Variants in TCHH observed in about 807,000 individuals in gnomAD.
The protein encoded by TCHH is trichohyalin.
TCHH carries 6 observed loss-of-function variants against 6.3 expected under a neutral mutation model. The observed-to-expected ratio is 0.95, with a 90% CI of 0.52 to 1.88. The LOEUF (loss-of-function observed/expected upper bound fraction) is 1.88, where lower values mean the gene tolerates loss of function less well. Ranked by LOEUF, TCHH falls within the 40% of genes most tolerant of loss-of-function variation. TCHH has a pLI of 0.01. For synonymous variants in TCHH, 1,087 were observed against 963.6 expected (o/e 1.13, Z -2.37); for missense variants, 2,920 against 2,449.1 (o/e 1.19, Z -4.06).
Position 152,107,580 on chromosome 1 carries a change from T to G in TCHH, c.5637A>C (p.Lys1879Asn). The G allele has an allele frequency of 6.2e-7, 1 of 1,614,126 alleles. No individual in the cohort carries two copies. Among genetic ancestry groups the G allele is most frequent in the Non-Finnish European group, 8.5e-7 (1 of 1,180,006 alleles). ...GGCGGCGGATGTGTTCTTCCCGTAA[T>G]TTCCTTTCCCGTTCCTGGCGACGTT... ...EQKRRQERER[K>N]LREEHIRRQQ... The change falls in exon 3 of 3, where the codon AAA becomes AAC. Residue 1879 changes from lysine (K) to asparagine (N), a missense_variant. Lys to Asn is a moderately conservative substitution (Grantham distance 94, BLOSUM62 0). Transcript: ENST00000614923.
At position 152,111,206 on chromosome 1, in the gene TCHH, G is replaced by T; in HGVS notation, c.2011C>A (p.Arg671=). Residue 671 remains arginine (R), a synonymous_variant, in exon 3 of 3, where the codon CGG becomes AGG. Transcript: ENST00000614923. ...TCTTCCTCATGCTCGCGCTTCAGCCGCTGCTCGAGCCTCTCTTCCTCCTCC... is the reference window on the plus strand; with the variant it reads ...TCTTCCTCATGCTCGCGCTTCAGCCTCTGCTCGAGCCTCTCTTCCTCCTCC... ...REEEEERLEQ[R]LKREHEEERR... 1 of 1,611,776 alleles carries T rather than the reference G, an allele frequency of 6.2e-7. No homozygotes were observed. The highest frequency in any genetic ancestry group is 2.2e-5 in the East Asian group (1 of 44,740).
At position 152,111,443 on chromosome 1, in the gene TCHH, G is replaced by A. The variant is rs376120438; in HGVS notation, c.1774C>T (p.Arg592Cys). Residue 592 changes from arginine (R) to cysteine (C), a missense_variant, in exon 3 of 3, where the codon CGC (arginine) becomes TGC (cysteine). Physicochemically the swap from Arg to Cys is radical, Grantham distance 180. Transcript: ENST00000614923. ...EEERRQQRLK[R>C]EQEERLEQRL... Reference sequence around the variant, plus strand: ...TGCTCGAGCCTCTCTTCCTGCTCGCGCTTCAGCCGCTGCTGGCGCCTCTCC... The same window carrying A: ...TGCTCGAGCCTCTCTTCCTGCTCGCACTTCAGCCGCTGCTGGCGCCTCTCC... The A allele has an allele frequency of 1.9e-6, 3 of 1,606,108 alleles. No individual in the cohort carries two copies. The Admixed American group carries it at 5.1e-5, about 27-fold the overall frequency.
In TCHH at chr1:152,108,465, C is replaced by G. The variant is rs1327735049; in HGVS notation, c.4752G>C (p.Glu1584Asp). Reference protein sequence around the residue: ...RQERDRKFRLEEQKVRRQEQE... With the variant: ...RQERDRKFRLDEQKVRRQEQE... ...GTTCCTGGCGGCGCACTTTCTGTTC[C>G]TCTAAACGGAATTTTCTGTCACGCT... Residue 1584 changes from glutamate (E) to aspartate (D), a missense_variant, in exon 3 of 3, where the codon GAG becomes GAC. Transcript: ENST00000614923. 4 of 1,612,950 alleles carry G rather than the reference C, an allele frequency of 2.5e-6. No individual in the cohort carries two copies. Among genetic ancestry groups the G allele is most frequent in the Non-Finnish European group, 3.4e-6 (4 of 1,179,824 alleles).
rs367907416 is a variant in TCHH, at chr1:152,111,935, C to G, written c.1282G>C (p.Glu428Gln). 10 of 1,570,060 alleles carry G rather than the reference C, an allele frequency of 6.4e-6. No homozygotes were observed. In the Admixed American group the frequency reaches 7.2e-5, roughly 11 times the overall value. The change falls in exon 3 of 3, where the codon GAG becomes CAG. Residue 428 changes from glutamate to glutamine, a missense_variant. Coordinates refer to ENST00000614923, the MANE Select transcript of TCHH (RefSeq NM_007113.4). ...QLRREQQLRR[E>Q]QEEERHEQKH... ...TGCTCGTGCCTCTCCTCCTCCTGCT[C>G]GCGCCTCAGCTGCTGCTCGCGCCTC...
rs1341395875 is a variant in TCHH at position 152,106,418 on chromosome 1, G to C, written c.*967C>G. ...AGGCCTCAAATGATTGTGGGCAAATGGGTCTTGTCAAAGGGCCTCTAGAAA... is the reference window on the plus strand; with the variant it reads ...AGGCCTCAAATGATTGTGGGCAAATCGGTCTTGTCAAAGGGCCTCTAGAAA... On this transcript the variant is annotated 3_prime_UTR_variant, in exon 3 of 3. Coordinates refer to ENST00000614923, the MANE Select transcript of TCHH (RefSeq NM_007113.4). 6.6e-6 allele frequency: 1 copy of C among 152,150 alleles called. No individual in the cohort carries two copies. Among genetic ancestry groups the C allele is most frequent in the Non-Finnish European group, 1.5e-5 (1 of 68,030 alleles). 9.4% of individuals were successfully genotyped at this position (152,150 alleles called of 1,614,324 possible). A position where few individuals can be genotyped will look rare whatever the true frequency, so the allele number is the denominator to read the frequency against.
At position 152,112,660 on chromosome 1, in the gene TCHH, C is replaced by T. The variant is rs371684825; in HGVS notation, c.557G>A (p.Arg186His). ...QRQEWQEREE[R>H]RAEEEQLQSC... ...CTGCAGCTGCTCTTCCTCTGCACGG[C>T]GCTCTTCCCGTTCTTGCCATTCTTG... The change falls in exon 3 of 3, where the codon CGC (arginine) becomes CAC (histidine). Residue 186 changes from arginine to histidine, a missense_variant. Arg to His is a conservative substitution (Grantham distance 29). Coordinates refer to ENST00000614923, the MANE Select transcript of TCHH (RefSeq NM_007113.4). The T allele has an allele frequency of 2.5e-5, 40 of 1,613,888 alleles. No homozygotes were observed. Among genetic ancestry groups the T allele is most frequent in the Non-Finnish European group, 3.2e-5 (38 of 1,180,040 alleles).
chr1:152,108,702 T>C lies in TCHH; in HGVS notation c.4515A>G (p.Glu1505=), dbSNP rs753048912. 1 of 1,607,366 alleles carries C rather than the reference T, an allele frequency of 6.2e-7. No homozygotes were observed. Among genetic ancestry groups the C allele is most frequent in the East Asian group, 2.3e-5 (1 of 44,206 alleles). ...RRQERDRKFR[E]QELRSQEPER... is the part of the protein sequence containing the mutation. ...CTGGTTCCTGACTGCGCAGTTCCTG[T>C]TCGCGGAATTTTCTGTCACGCTCTT... is the stretch of plus-strand genomic sequence containing the variant. Residue 1505 remains glutamate (E), a synonymous_variant, in exon 3 of 3, where the codon GAA becomes GAG. Transcript: ENST00000614923.
chr1:152,109,900 C>G lies in TCHH; in HGVS notation c.3317G>C (p.Arg1106Pro), dbSNP rs200755879. The G allele has an allele frequency of 2.6e-5, 41 of 1,558,334 alleles. No homozygotes were observed. The highest frequency in any genetic ancestry group is 3.4e-5 in the Non-Finnish European group (39 of 1,155,224). The change falls in exon 3 of 3, where the codon CGG becomes CCG. Residue 1106 changes from arginine to proline, a missense_variant. Transcript: ENST00000614923. ...EEPEKRRRQERERQCREEEEL... is the reference protein window; with the variant it reads ...EEPEKRRRQEPERQCREEEEL... ...CTCTTCCTCCCGACATTGCCTCTCC[C>G]GCTCCTGGCGCCTTCTCTTCTCCGG...
chr1:152,109,402 C>G lies in TCHH; in HGVS notation c.3815G>C (p.Gly1272Ala). 2 of 1,614,214 alleles carry G rather than the reference C, an allele frequency of 1.2e-6. No individual in the cohort carries two copies. The change falls in exon 3 of 3, where the codon GGT (glycine) becomes GCT (alanine). Residue 1272 changes from glycine (G) to alanine (A), a missense_variant. Physicochemically the swap from Gly to Ala is moderately conservative, Grantham distance 60. Transcript: ENST00000614923. The part of the protein sequence containing the change: ...QSQQDLQHLL[G>A]EQQERDREQE... The stretch of plus-strand genomic sequence containing the variant: ...CTCACGATCTCGCTCTTGCTGTTCA[C>G]CCAGCAGGTGCTGCAGATCTTGCTG...
rs1658245929 is a variant in TCHH at position 152,109,588 on chromosome 1, C to G, written c.3629G>C (p.Arg1210Thr). Residue 1210 changes from arginine (R) to threonine (T), a missense_variant, in exon 3 of 3, where the codon AGG (arginine) becomes ACG (threonine). Transcript: ENST00000614923. The stretch of plus-strand genomic sequence containing the variant: ...ATCCTCATCCCGGTATCGCTGCTTC[C>G]TTTTCTGGCGCTGAAGCTCTTCCTC... The part of the protein sequence containing the change: ...REEEELQRQK[R>T]KQRYRDEDQR... 1 of 1,614,230 alleles carries G rather than the reference C, an allele frequency of 6.2e-7. No individual in the cohort carries two copies. Among genetic ancestry groups the G allele is most frequent in the African/African-American group, 1.3e-5 (1 of 75,060 alleles).
chr1:152,112,905 G>A lies in TCHH; in HGVS notation c.312C>T (p.Asp104=). Residue 104 remains aspartate (D), a synonymous_variant, in exon 3 of 3, where the codon GAC becomes GAT. Transcript: ENST00000614923. ...GATCTTGTAACAGGCTCTCCTTTCCGTCACACCGGGCTCGCTTCTCCTCAT... is the reference window on the plus strand; with the variant it reads ...GATCTTGTAACAGGCTCTCCTTTCCATCACACCGGGCTCGCTTCTCCTCAT... ...GLDEEKRARC[D]GKESLLQDRR... is the part of the protein sequence containing the mutation. The A allele has an allele frequency of 6.2e-7, 1 of 1,613,692 alleles. No individual in the cohort carries two copies. The highest frequency in any genetic ancestry group is 8.5e-7 in the Non-Finnish European group (1 of 1,179,992).
At position 152,109,988 on chromosome 1, in the gene TCHH, C is replaced by T. The variant is rs756197850; in HGVS notation, c.3229G>A (p.Glu1077Lys). The T allele has an allele frequency of 2.0e-6, 3 of 1,538,260 alleles. No individual in the cohort carries two copies. Among genetic ancestry groups the T allele is most frequent in the Non-Finnish European group, 2.6e-6 (3 of 1,140,084 alleles). ...ERETRRRQEL[E>K]RQYRKEEELQ... is the part of the protein sequence containing the mutation. ...TCCTCTTCCTTCCGATATTGCCTCT[C>T]CAGCTCCTGGCGCCTTCTCGTCTCC... The change falls in exon 3 of 3, where the codon GAG (glutamate) becomes AAG (lysine). Residue 1077 changes from glutamate to lysine, a missense_variant. Glu to Lys is a moderately conservative substitution (Grantham distance 56). Coordinates refer to ENST00000614923, the MANE Select transcript of TCHH (RefSeq NM_007113.4).
Position 152,107,877 on chromosome 1 carries a change from G to C in TCHH, c.5340C>G (p.Arg1780=), listed in dbSNP as rs773934893. The C allele has an allele frequency of 5.2e-5, 84 of 1,613,262 alleles. No individual in the cohort carries two copies. Among genetic ancestry groups the C allele is most frequent in the Non-Finnish European group, 6.6e-5 (78 of 1,179,848 alleles). Residue 1780 remains arginine, a synonymous_variant, in exon 3 of 3, where the codon CGC becomes CGG. Transcript: ENST00000614923. Reference sequence around the variant, plus strand: ...GCAGCTGCTGTTCCTCCCTCTCCTGGCGGAGCTGTTCCTCCTCGCGGAATT... The same window carrying C: ...GCAGCTGCTGTTCCTCCCTCTCCTGCCGGAGCTGTTCCTCCTCGCGGAATT... ...DRKFREEEQL[R]QEREEQQLRS... is the part of the protein sequence containing the mutation.
chr1:152,113,260 T>C (rs1332753767), intron 2 of TCHH, among the ~76,000 whole-genome samples, 182 bp from the exon 3 acceptor site: 1 of 152,216 alleles, frequency 6.6e-6, no homozygotes, highest in Admixed American at 6.5e-5. Context: ...CTTTAAAGCA[T>C]ATATTCGTTT....
In TCHH at chr1:152,108,514, T is replaced by C. The variant is rs1557808601; in HGVS notation, c.4703A>G (p.Glu1568Gly). 2 of 1,611,062 alleles carry C rather than the reference T, an allele frequency of 1.2e-6. No homozygotes were observed. Among genetic ancestry groups the C allele is most frequent in the East Asian group, 4.5e-5 (2 of 44,366 alleles). Residue 1568 changes from glutamate to glycine, a missense_variant, in exon 3 of 3, where the codon GAG becomes GGG. Coordinates refer to ENST00000614923, the MANE Select transcript of TCHH (RefSeq NM_007113.4). ...CTCTTGGCGGCTCAGCTGCTGTTCC[T>C]CCCTCTCCTGGCGCAGCTGTTCCTC... ...REEEQLRQEREEQQLSRQERD... is the reference protein window; with the variant it reads ...REEEQLRQERGEQQLSRQERD...
In TCHH at chr1:152,108,284, A is replaced by G; in HGVS notation, c.4933T>C (p.Phe1645Leu). ...QLHRQERDRK[F>L]LEEEPQLRRQ... ...CGCAGCTGCGGTTCCTCCTCGAGGA[A>G]TTTTCTGTCACGCTCTTGGCGGTGC... The change falls in exon 3 of 3, where the codon TTC becomes CTC. Residue 1645 changes from phenylalanine (F) to leucine (L), a missense_variant. Transcript: ENST00000614923. 4 of 1,610,546 alleles carry G rather than the reference A, an allele frequency of 2.5e-6. No individual in the cohort carries two copies. The highest frequency in any genetic ancestry group is 3.4e-6 in the Non-Finnish European group (4 of 1,179,300).
At chr1:152,113,824 A>C in intron 2 of TCHH, 119 bp downstream of exon 2, 1 of 1,138,934 alleles carries the variant, frequency 8.8e-7, no homozygotes, top group Non-Finnish European at 1.2e-6. Context: ...TGGGGGATGT[A>C]GTGTAGACCT....
intron 2 of TCHH, among the ~76,000 whole-genome samples, 163 bp from the exon 3 acceptor site, chr1:152,113,241 G>C (rs1363231098): frequency 6.6e-6 from 1 of 152,132 alleles, no homozygotes; most frequent in Non-Finnish European, 1.5e-5. Flanking sequence ...TGTAAAATGT[G>C]AACCCTCACT....
Position 152,109,595 on chromosome 1 carries a change from G to T in TCHH, c.3622C>A (p.Gln1208Lys), listed in dbSNP as rs766447138. 3.0e-5 allele frequency: 49 copies of T among 1,614,036 alleles called. No individual in the cohort carries two copies. Among genetic ancestry groups the T allele is most frequent in the Non-Finnish European group, 3.5e-5 (41 of 1,180,034 alleles). The part of the protein sequence containing the change: ...QYREEEELQR[Q>K]KRKQRYRDED... The stretch of plus-strand genomic sequence containing the variant: ...TCCCGGTATCGCTGCTTCCTTTTCT[G>T]GCGCTGAAGCTCTTCCTCCTCCCGA... Residue 1208 changes from glutamine to lysine, a missense_variant, in exon 3 of 3, where the codon CAG (glutamine) becomes AAG (lysine). Physicochemically the swap from Gln to Lys is moderately conservative, Grantham distance 53. Coordinates refer to ENST00000614923, the MANE Select transcript of TCHH (RefSeq NM_007113.4).
Sources: gnomAD v4.1 joint callset for allele counts (sites outside exome capture counted in the v4.1 genomes callset) on GRCh38, gnomAD v4.1.1 for gene constraint, MANE v1.5 for transcripts, NCBI Gene and HGNC (gene_info 2026-07-23, HGNC 2026-07-21) for gene names.